Variants in FAF1 observed in about 807,000 individuals in gnomAD.
The protein encoded by FAF1 is FAS-associated factor 1.
A neutral mutation model predicts 92.5 loss-of-function variants in FAF1; 25 were observed. That is an observed-to-expected ratio of 0.27 (90% CI 0.20 to 0.38). The LOEUF (loss-of-function observed/expected upper bound fraction) is 0.38, where lower values mean the gene tolerates loss of function less well. Among genes scored for constraint, FAF1 ranks in the 10% least tolerant of loss-of-function variants. The pLI is 1.00. For synonymous variants in FAF1, 234 were observed against 273.2 expected, an observed-to-expected ratio of 0.86 and a Z score of 1.42; for missense variants, 636 against 793.3, an observed-to-expected ratio of 0.80 and a Z score of 2.38.
chr1:50,571,846 G>C lies in FAF1; in HGVS notation c.1114-4615C>G, dbSNP rs556976973. On this transcript the variant is annotated intron_variant, in intron 12 of 18. Transcript: ENST00000396153. ...GCTGTGTCTCAAAATAAGCCAGGCA[G>C]AGAGCAGATACTAAGGAAATATTTG... Among the ~76,000 whole-genome samples the C allele has an allele frequency of 1.9e-4, 29 of 152,304 alleles. No individual in the cohort carries two copies. In the South Asian group the frequency reaches 6.0e-3, roughly 32 times the overall value.
Position 50,484,850 on chromosome 1 carries a change from T to C in FAF1, c.1653+5738A>G, listed in dbSNP as rs180855254. ...GCTTAAAAATATCTTTTTAAAACTA[T>C]TGTTTTTTTTAACCAAACACCACAT... On this transcript the variant is annotated intron_variant, in intron 17 of 18. Coordinates refer to ENST00000396153, the MANE Select transcript of FAF1 (RefSeq NM_007051.3). Among the ~76,000 whole-genome samples, 38 of 151,772 alleles carry C rather than the reference T, an allele frequency of 2.5e-4. No individual in the cohort carries two copies. In the East Asian group the frequency reaches 7.2e-3, roughly 29 times the overall value.
chr1:50,785,132 C>CAAAAAAAAAAAAAAAAAAA (rs748061344), intron 4 of FAF1, among the ~76,000 whole-genome samples: 1 of 59,130 alleles, frequency 1.7e-5, no homozygotes, highest in African/African-American at 6.4e-5. Flanking sequence ...GACCCTATCT[C>CAAAAAAAAAAAAAAAAAAA]AAAAAAAAAA....
At chr1:50,884,372 T>A (rs969101074) in intron 1 of FAF1, among the ~76,000 whole-genome samples, 8 of 146,036 alleles carry the variant, frequency 5.5e-5, no homozygotes, top group Admixed American at 5.5e-4. Flanking sequence ...AAAAAAAAAA[T>A]ACAAAATTAG....
chr1:50,506,343 G>A (rs78012880), intron 15 of FAF1, among the ~76,000 whole-genome samples: 37,990 of 151,918 alleles, frequency 0.25, 5,235 homozygotes, highest in Middle Eastern at 0.43. Flanking sequence ...CATACTCTAC[G>A]CTTGACCCAA....
chr1:50,661,591 G>T (rs571657890), intron 7 of FAF1, among the ~76,000 whole-genome samples: 1 of 152,092 alleles, frequency 6.6e-6, no homozygotes, highest in Non-Finnish European at 1.5e-5. Context: ...AGCTTAGACC[G>T]AATTTTAAAT....
chr1:50,647,190 C>T (rs751761365), intron 8 of FAF1, among the ~76,000 whole-genome samples: 6 of 152,174 alleles, frequency 3.9e-5, no homozygotes, highest in Non-Finnish European at 5.9e-5. Context: ...GTGGAGGAAG[C>T]TTAACCTAAC....
chr1:50,894,061 G>A (rs1570110638), intron 1 of FAF1, among the ~76,000 whole-genome samples: 1 of 152,064 alleles, frequency 6.6e-6, no homozygotes, highest in African/African-American at 2.4e-5. Context: ...CACTTTGAGA[G>A]GCCAAGGTGG....
intron 14 of FAF1, among the ~76,000 whole-genome samples, chr1:50,538,010 T>C (rs1166230435): frequency 3.3e-5 from 5 of 152,144 alleles, no homozygotes; most frequent in Non-Finnish European, 7.4e-5. Context: ...ATCTTTTATC[T>C]ATACATGATT....
At chr1:50,502,514 A>G (rs1375872667) in intron 15 of FAF1, among the ~76,000 whole-genome samples, 4 of 152,198 alleles carry the variant, frequency 2.6e-5, no homozygotes, top group Admixed American at 6.5e-5. Flanking sequence ...GAATTAGGTA[A>G]AAGTACAGTA....
At chr1:50,928,020 G>C (rs768970409) in intron 1 of FAF1, among the ~76,000 whole-genome samples, 1 of 152,138 alleles carries the variant, frequency 6.6e-6, no homozygotes, top group Non-Finnish European at 1.5e-5. Context: ...ATAAAGTTTA[G>C]AATTTTCATT....
intron 1 of FAF1, among the ~76,000 whole-genome samples, chr1:50,936,694 A>T (rs552284208): frequency 6.6e-6 from 1 of 152,180 alleles, no homozygotes; most frequent in African/African-American, 2.4e-5. Context: ...TATTTAATGG[A>T]TAGTGAAAAC....
At chr1:50,669,239 T>C (rs1298208355) in intron 7 of FAF1, among the ~76,000 whole-genome samples, 1 of 152,102 alleles carries the variant, frequency 6.6e-6, no homozygotes, top group Non-Finnish European at 1.5e-5. Context: ...AACTATGTCA[T>C]GCTATAGAAC....
chr1:50,631,405 C>T (rs951711919), intron 8 of FAF1, among the ~76,000 whole-genome samples: 2 of 152,124 alleles, frequency 1.3e-5, no homozygotes, highest in African/African-American at 4.8e-5. Flanking sequence ...ACTCAACCTG[C>T]CTATTAGTCA....
chr1:50,539,013 A>G (rs1648627677), intron 14 of FAF1, among the ~76,000 whole-genome samples: 1 of 152,232 alleles, frequency 6.6e-6, no homozygotes, highest in South Asian at 2.1e-4. Flanking sequence ...AATATTTTAC[A>G]CCAACCCTTG....
intron 15 of FAF1, among the ~76,000 whole-genome samples, chr1:50,512,367 T>C (rs1647148029): frequency 6.6e-6 from 1 of 152,218 alleles, no homozygotes; most frequent in Non-Finnish European, 1.5e-5. Flanking sequence ...GTTTTTATGG[T>C]TTTAAGTCTT....
intron 1 of FAF1, among the ~76,000 whole-genome samples, chr1:50,897,801 G>A (rs1437041633): frequency 6.6e-6 from 1 of 152,040 alleles, no homozygotes; most frequent in East Asian, 1.9e-4. Context: ...TGCAAAACAT[G>A]GTCAGAAGTC....
At chr1:50,612,548 G>A in intron 8 of FAF1, 1 of 854,598 alleles carries the variant, frequency 1.2e-6, no homozygotes, top group Non-Finnish European at 1.4e-6. Flanking sequence ...TCAATAGTGA[G>A]ATGCCATTTA....
chr1:50,665,240 T>TGTCC (rs1327051823), intron 7 of FAF1, among the ~76,000 whole-genome samples: 1 of 152,222 alleles, frequency 6.6e-6, no homozygotes, highest in Non-Finnish European at 1.5e-5. Flanking sequence ...CTTTAAAGAT[T>TGTCC]GGACACATGA....
intron 4 of FAF1, among the ~76,000 whole-genome samples, chr1:50,784,957 G>A (rs537752872): frequency 1.3e-5 from 2 of 152,102 alleles, no homozygotes; most frequent in South Asian, 4.1e-4. Context: ...AAATGGTACT[G>A]GGAAAACTGG....
Sources: gnomAD v4.1 joint callset for allele counts (sites outside exome capture counted in the v4.1 genomes callset) on GRCh38, gnomAD v4.1.1 for gene constraint, MANE v1.5 for transcripts, NCBI Gene and HGNC (gene_info 2026-07-23, HGNC 2026-07-21) for gene names.